LPP: variants seen among roughly 807,000 people sequenced by gnomAD.
The protein encoded by LPP is lipoma-preferred partner.
LPP carries 38 observed loss-of-function variants against 60.4 expected under a neutral mutation model. The observed-to-expected ratio is 0.63, with a 90% CI of 0.49 to 0.83. LPP has a LOEUF of 0.83. Ranked by LOEUF, LPP falls within the 40% of genes least tolerant of loss-of-function variation. LPP has a pLI of 0.00. For missense variants in LPP, 902 were observed against 783.6 expected (o/e 1.15, Z -1.80); for synonymous variants, 328 against 290.8 (o/e 1.13, Z -1.30).
At chr3:188,403,063 GAGA>G (rs1450540691) in intron 3 of LPP, among the ~76,000 whole-genome samples, 3 of 152,190 alleles carry the variant, frequency 2.0e-5, no homozygotes, top group Non-Finnish European at 4.4e-5. Flanking sequence ...AGAATGGTAA[GAGA>G]AGATACTGAG....
intron 4 of LPP, among the ~76,000 whole-genome samples, chr3:188,453,203 C>T (rs542789308): frequency 1.3e-5 from 2 of 152,266 alleles, no homozygotes; most frequent in East Asian, 3.9e-4. Flanking sequence ...TCTTTGCCAA[C>T]CCTGGCATCG....
At chr3:188,363,272 T>C (rs917472741) in intron 3 of LPP, among the ~76,000 whole-genome samples, 1 of 152,226 alleles carries the variant, frequency 6.6e-6, no homozygotes, top group Admixed American at 6.5e-5. Context: ...GGAAAATGCA[T>C]GTGGATTTAT....
intron 3 of LPP, among the ~76,000 whole-genome samples, chr3:188,404,646 A>G (rs1783011100): frequency 6.6e-6 from 1 of 152,156 alleles, no homozygotes; most frequent in Non-Finnish European, 1.5e-5. Context: ...TCCAGGCAAC[A>G]CTGTTTCCCA....
intron 2 of LPP, among the ~76,000 whole-genome samples, chr3:188,240,503 A>G (rs530665820): frequency 1.3e-5 from 2 of 152,282 alleles, no homozygotes; most frequent in South Asian, 2.1e-4. Context: ...TACGTACTGA[A>G]TTTGACTGCT....
At chr3:188,263,827 C>T (rs1446632981) in intron 2 of LPP, among the ~76,000 whole-genome samples, 2 of 152,238 alleles carry the variant, frequency 1.3e-5, no homozygotes, top group Non-Finnish European at 2.9e-5. Context: ...TTTCCTGCCT[C>T]CCTGTAGCTG....
At chr3:188,711,961 G>A (rs1482696752) in intron 8 of LPP, 2 of 152,192 alleles carry the variant, frequency 1.3e-5, no homozygotes, top group East Asian at 3.8e-4. Context: ...TTTCTCATGA[G>A]GGGAGTTTTT....
Position 188,288,580 on chromosome 3 carries a change from G to GCACACACA in LPP, c.-66-53076_-66-53069dup, listed in dbSNP as rs71167088. On this transcript the variant is annotated intron_variant, in intron 2 of 11. Transcript: ENST00000617246. ...CTTGGCCTTTTCCATATGTACACGTGCACACACACACACATACACACAGAT... is the reference window on the plus strand; with the variant it reads ...CTTGGCCTTTTCCATATGTACACGTGCACACACACACACACACACACATACACACAGAT... 9.1e-4 allele frequency among the ~76,000 whole-genome samples: 137 copies of GCACACACA among 150,738 alleles called. 1 individual carries two copies. In the East Asian group the frequency reaches 0.016, roughly 18 times the overall value.
chr3:188,674,045 G>A (rs62290007), intron 7 of LPP, among the ~76,000 whole-genome samples: 1 of 151,874 alleles, frequency 6.6e-6, no homozygotes, highest in Non-Finnish European at 1.5e-5. Flanking sequence ...TGTTGGGCAT[G>A]TCATAACAAA....
At chr3:188,744,236 C>G (rs1208662985) in intron 8 of LPP, among the ~76,000 whole-genome samples, 1 of 152,128 alleles carries the variant, frequency 6.6e-6, no homozygotes, top group Non-Finnish European at 1.5e-5. Context: ...TCCACTACCC[C>G]TAGTTTAACT....
intron 5 of LPP, among the ~76,000 whole-genome samples, chr3:188,496,016 G>T (rs1266659937): frequency 6.6e-6 from 1 of 151,916 alleles, no homozygotes; most frequent in Non-Finnish European, 1.5e-5. Context: ...TATAGCATGG[G>T]GTGTTTATAC....
At chr3:188,294,990 T>C (rs1391152586) in intron 2 of LPP, among the ~76,000 whole-genome samples, 1 of 152,226 alleles carries the variant, frequency 6.6e-6, no homozygotes, top group Non-Finnish European at 1.5e-5. Flanking sequence ...TGTTTGAGTA[T>C]AGACAGCTTT....
intron 1 of LPP, among the ~76,000 whole-genome samples, chr3:188,162,036 G>A (rs1679194): frequency 0.73 from 111,704 of 152,086 alleles, 41,470 homozygotes; most frequent in East Asian, 0.99. Flanking sequence ...TGCTTGCCTA[G>A]AAGTTTTTAG....
At chr3:188,465,043 G>A (rs1800038964) in intron 4 of LPP, among the ~76,000 whole-genome samples, 1 of 149,492 alleles carries the variant, frequency 6.7e-6, no homozygotes, top group Admixed American at 6.7e-5. Flanking sequence ...TAGAACAAAA[G>A]GGGATACCAT....
In LPP at chr3:188,866,928, A is replaced by C. The variant is rs1032181456; in HGVS notation, c.1589+550A>C. Among the ~76,000 whole-genome samples, 4 of 152,204 alleles carry C rather than the reference A, an allele frequency of 2.6e-5. No individual in the cohort carries two copies. The South Asian group carries it at 8.3e-4, about 32-fold the overall frequency. ...CTCTCACATATTCAAAGGCAGTTTC[A>C]TGCCATTGTCAACATATTGATGCCA... On this transcript the variant is annotated intron_variant, in intron 10 of 11. Coordinates refer to ENST00000617246, the MANE Select transcript of LPP (RefSeq NM_001375462.1).
At chr3:188,172,026 G>T (rs1338611239) in intron 1 of LPP, among the ~76,000 whole-genome samples, 1 of 152,240 alleles carries the variant, frequency 6.6e-6, no homozygotes, top group Non-Finnish European at 1.5e-5. Context: ...CAAGGCCAAG[G>T]ATGTCATTCC....
At chr3:188,622,106 TTC>T (rs1213185077) in intron 7 of LPP, among the ~76,000 whole-genome samples, 1 of 152,176 alleles carries the variant, frequency 6.6e-6, no homozygotes, top group African/African-American at 2.4e-5. Flanking sequence ...CAGCTAGAGA[TTC>T]TGTTGGTCTC....
intron 6 of LPP, among the ~76,000 whole-genome samples, chr3:188,607,374 T>TAG (rs1293016412): frequency 0.027 from 249 of 9,362 alleles, 2 homozygotes; most frequent in African/African-American, 0.051. Flanking sequence ...ATAGAAGATA[T>TAG]ATATATATAT....
chr3:188,636,362 G>C (rs936727387), intron 7 of LPP, among the ~76,000 whole-genome samples: 3 of 152,172 alleles, frequency 2.0e-5, no homozygotes, highest in African/African-American at 7.2e-5. Context: ...CTTAAAAAAC[G>C]GTGCACCACG....
chr3:188,651,630 G>T (rs1222866000), intron 7 of LPP, among the ~76,000 whole-genome samples: 1 of 152,166 alleles, frequency 6.6e-6, no homozygotes, highest in African/African-American at 2.4e-5. Flanking sequence ...CATGGCAGAA[G>T]GTGAAAAGCA....
Sources: allele counts gnomAD v4.1 joint callset (sites outside exome capture counted in the v4.1 genomes callset), GRCh38; gene constraint gnomAD v4.1.1; transcripts MANE v1.5; gene names NCBI Gene and HGNC (gene_info 2026-07-23, HGNC 2026-07-21).